The following LCORL variants were observed in gnomAD, a reference collection of about 807,000 sequenced individuals.
LCORL encodes the protein ligand-dependent nuclear receptor corepressor-like protein.
A neutral mutation model predicts 141.8 loss-of-function variants in LCORL; 41 were observed. The ratio of observed to expected loss-of-function variants is 0.29; its 90% confidence interval spans 0.23 to 0.38. The LOEUF (loss-of-function observed/expected upper bound fraction) is 0.38. LCORL is among the 10% of genes least tolerant of loss of function. LCORL has a pLI of 1.00. For synonymous variants in LCORL, 618 were observed against 694.1 expected, an observed-to-expected ratio of 0.89 and a Z score of 1.72; for missense variants, 1,759 against 2,035.0, an observed-to-expected ratio of 0.86 and a Z score of 2.61.
intron 6 of LCORL, chr4:17,883,038 T>A (rs1168816851): frequency 2.0e-6 from 2 of 978,260 alleles, no homozygotes; most frequent in East Asian, 2.3e-4. Context: ...TCAGTTTTTT[T>A]AAAGTATATA....
At chr4:17,892,221 T>C (rs908181183) in intron 5 of LCORL, among the ~76,000 whole-genome samples, 1 of 149,558 alleles carries the variant, frequency 6.7e-6, no homozygotes, top group Non-Finnish European at 1.5e-5. Flanking sequence ...TTTTTTTTTT[T>C]TTTTTGAGAC....
intron 1 of LCORL, among the ~76,000 whole-genome samples, chr4:17,981,501 A>T (rs1454602051): frequency 6.6e-6 from 1 of 152,158 alleles, no homozygotes; most frequent in East Asian, 1.9e-4. Flanking sequence ...TCACGACTGT[A>T]ATCCCAGCAC....
At chr4:17,995,092 A>G (rs1720689969) in intron 1 of LCORL, among the ~76,000 whole-genome samples, 1 of 151,836 alleles carries the variant, frequency 6.6e-6, no homozygotes, top group Admixed American at 6.6e-5. Context: ...ACAGTGCCAT[A>G]TTTACTTACA....
At chr4:17,895,668 AGAAAGAAATCCTGCACCCTT>A (rs2109270648) in intron 5 of LCORL, among the ~76,000 whole-genome samples, 2 of 152,314 alleles carry the variant, frequency 1.3e-5, no homozygotes, top group African/African-American at 4.8e-5. Flanking sequence ...TCTCCACCCT[AGAAAGAAATCCTGCACCCTT>A]GGGCGACTGC....
At chr4:17,912,643 G>A (rs1732753833) in intron 4 of LCORL, 1 of 394,600 alleles carries the variant, frequency 2.5e-6, no homozygotes, top group Non-Finnish European at 4.9e-6. Flanking sequence ...TGAGAAATCT[G>A]GAGGCCAGCT....
chr4:18,021,452 G>T lies in LCORL; in HGVS notation c.154+146C>A, dbSNP rs1464965114. 7.8e-6 allele frequency: 5 copies of T among 642,014 alleles called. No homozygotes were observed. The highest frequency in any genetic ancestry group is 7.8e-5 in the African/African-American group (4 of 51,586). The allele number at this position is 642,014 out of a possible 1,614,324, so 39.8% of individuals were successfully genotyped here. ...CGCAAGACAAAAGGCGAGCGCCGGG[G>T]CCGCCGCGCCGCGCCGCTCCCATCT... On this transcript the variant is annotated intron_variant, in intron 1 of 7. Transcript: ENST00000635767. The surrounding 1 kb of genome is among the most constrained non-coding windows in gnomAD (Gnocchi z 5.5).
At chr4:17,927,589 T>G (rs1735351552) in intron 4 of LCORL, among the ~76,000 whole-genome samples, 1 of 152,164 alleles carries the variant, frequency 6.6e-6, no homozygotes. Context: ...TCCTCTCACT[T>G]AAATACCCAG....
chr4:17,924,082 G>A (rs992097284), intron 4 of LCORL, among the ~76,000 whole-genome samples: 8 of 151,884 alleles, frequency 5.3e-5, no homozygotes, highest in Admixed American at 2.6e-4. Flanking sequence ...TGGCTAGATG[G>A]TCATGGACTT....
At chr4:17,950,255 T>C (rs1739506360) in intron 4 of LCORL, among the ~76,000 whole-genome samples, 1 of 152,166 alleles carries the variant, frequency 6.6e-6, no homozygotes, top group East Asian at 1.9e-4. Context: ...CCATTCTTTA[T>C]TATTCATCAA....
chr4:17,893,446 G>A, intron 5 of LCORL: 2 of 985,032 alleles, frequency 2.0e-6, no homozygotes, highest in South Asian at 9.4e-5. Context: ...TATAAATTAT[G>A]CAAACAGTTT....
At chr4:18,014,965 A>T (rs904261602) in intron 1 of LCORL, among the ~76,000 whole-genome samples, 6 of 152,222 alleles carry the variant, frequency 3.9e-5, no homozygotes, top group Middle Eastern at 3.2e-3. Flanking sequence ...TCTATCAGCC[A>T]TGAATGCTAG....
At chr4:17,993,072 T>C (rs1277132067) in intron 1 of LCORL, among the ~76,000 whole-genome samples, 1 of 152,194 alleles carries the variant, frequency 6.6e-6, no homozygotes, top group Non-Finnish European at 1.5e-5. Flanking sequence ...GAGAACAGCA[T>C]GTATAAAGAC....
exon 8 of LCORL, chr4:17,844,273 C>A (rs1044877138): frequency 9.2e-5 from 14 of 152,308 alleles, no homozygotes; most frequent in African/African-American, 3.1e-4. Flanking sequence ...GCCTGACTTA[C>A]GAAACTTGTA....
At chr4:17,924,107 T>C (rs977802326) in intron 4 of LCORL, among the ~76,000 whole-genome samples, 1 of 151,962 alleles carries the variant, frequency 6.6e-6, no homozygotes, top group Admixed American at 6.6e-5. Context: ...GAATCATGAT[T>C]GGGAAATTGG....
chr4:17,861,519 G>T (rs1457733135), intron 7 of LCORL, among the ~76,000 whole-genome samples: 3 of 152,184 alleles, frequency 2.0e-5, no homozygotes, highest in Admixed American at 1.3e-4. Context: ...GATGGGAGGG[G>T]CTGCTGTGAA....
At chr4:17,891,111 A>G (rs762665357) in intron 5 of LCORL, among the ~76,000 whole-genome samples, 2 of 152,110 alleles carry the variant, frequency 1.3e-5, no homozygotes, top group Non-Finnish European at 2.9e-5. Flanking sequence ...TTAAAACTCT[A>G]TTTTTCTATA....
chr4:17,978,617 T>C (rs1236451278), intron 1 of LCORL, among the ~76,000 whole-genome samples: 1 of 151,688 alleles, frequency 6.6e-6, no homozygotes, highest in East Asian at 1.9e-4. Flanking sequence ...TTGGCTTCAA[T>C]GACTGCTTTC....
At chr4:18,015,662 C>A (rs925895544) in intron 1 of LCORL, among the ~76,000 whole-genome samples, 1 of 151,608 alleles carries the variant, frequency 6.6e-6, no homozygotes, top group Non-Finnish European at 1.5e-5. Flanking sequence ...CCATACCAGT[C>A]CCATCAATCC....
rs539231091 is a variant in LCORL at position 17,948,552 on chromosome 4, T to A, written c.430+13351A>T. On this transcript the variant is annotated intron_variant, in intron 4 of 7. Transcript: ENST00000635767. ...CTTGTGGGTTGTATCTGGAAGTTGA[T>A]AACCTAGAAGCAGCCAGGAATATGA... Among the ~76,000 whole-genome samples, 4 of 152,168 alleles carry A rather than the reference T, an allele frequency of 2.6e-5. No individual in the cohort carries two copies. In the East Asian group the frequency reaches 7.7e-4, roughly 29 times the overall value.
Sources: allele counts gnomAD v4.1 joint callset (sites outside exome capture counted in the v4.1 genomes callset), GRCh38; gene constraint gnomAD v4.1.1; non-coding constraint Gnocchi (gnomAD v3.1); transcripts MANE v1.5; gene names NCBI Gene and HGNC (gene_info 2026-07-23, HGNC 2026-07-21).